Variants in COG7 observed in about 807,000 individuals in gnomAD.
The protein encoded by COG7 is conserved oligomeric Golgi complex subunit 7.
Under a neutral mutation model 91.5 loss-of-function variants are expected in COG7, and 49 were observed. That is an observed-to-expected ratio of 0.54 (90% confidence interval 0.43 to 0.68). COG7 has a LOEUF of 0.68. Ranked by LOEUF, COG7 falls within the 30% of genes least tolerant of loss-of-function variation. The pLI is 0.00. For synonymous variants in COG7, 365 were observed against 388.7 expected, an observed-to-expected ratio of 0.94 and a Z score of 0.72; for missense variants, 895 against 961.3, an observed-to-expected ratio of 0.93 and a Z score of 0.91.
intron 7 of COG7, among the ~76,000 whole-genome samples, chr16:23,422,139 G>A (rs1177803895): frequency 6.6e-6 from 1 of 151,918 alleles, no homozygotes; most frequent in East Asian, 1.9e-4. Context: ...GGAAGACCCT[G>A]TCTCTACAAA....
At chr16:23,452,431 G>C (rs1163732179) in intron 1 of COG7, among the ~76,000 whole-genome samples, 2 of 152,134 alleles carry the variant, frequency 1.3e-5, no homozygotes, top group Admixed American at 1.3e-4. Flanking sequence ...GAATTTGTGG[G>C]GCGCGGTGGC....
At chr16:23,443,334 C>A (rs1964131942) in intron 3 of COG7, among the ~76,000 whole-genome samples, 1 of 152,096 alleles carries the variant, frequency 6.6e-6, no homozygotes, top group Non-Finnish European at 1.5e-5. Flanking sequence ...TTGCATGAGG[C>A]CAGGAGTTCA....
Position 23,433,612 on chromosome 16 carries a change from C to T in COG7, c.743G>A (p.Arg248Gln), listed in dbSNP as rs376638075. 23 of 1,613,900 alleles carry T rather than the reference C, an allele frequency of 1.4e-5. No homozygotes were observed. The highest frequency in any genetic ancestry group is 5.3e-5 in the African/African-American group (4 of 74,878). Residue 248 changes from arginine (R) to glutamine (Q), a missense_variant, in exon 6 of 17, where the codon CGG (arginine) becomes CAG (glutamine). Arg to Gln is a conservative substitution (Grantham distance 43). Coordinates refer to ENST00000307149, the MANE Select transcript of COG7 (RefSeq NM_153603.4). ...GGCATCATAGAGTCCGGTAAGCTGC[C>T]GGTCCAGGGATAGGTCACTTTGACA... is the stretch of plus-strand genomic sequence containing the variant. ...ELCQSDLSLD[R>Q]QLTGLYDALL...
At chr16:23,442,099 C>T (rs778214188) in intron 4 of COG7, among the ~76,000 whole-genome samples, 1 of 151,924 alleles carries the variant, frequency 6.6e-6, no homozygotes, top group Non-Finnish European at 1.5e-5. Flanking sequence ...TTTGGGAGGC[C>T]GAGGCGAGGG....
chr16:23,440,241 T>C (rs914118383), intron 4 of COG7, among the ~76,000 whole-genome samples: 1 of 151,768 alleles, frequency 6.6e-6, no homozygotes, highest in African/African-American at 2.4e-5. Flanking sequence ...ATACAAAAAA[T>C]TAGCCAGGTG....
intron 8 of COG7, 151 bp downstream of exon 8, chr16:23,418,549 C>A: frequency 1.4e-6 from 1 of 693,110 alleles, no homozygotes; most frequent in Non-Finnish European, 2.6e-6. Context: ...AATATATGGT[C>A]TCATTTTACA....
chr16:23,442,394 A>T, intron 4 of COG7, 83 bp downstream of exon 4: 2 of 1,268,964 alleles, frequency 1.6e-6, no homozygotes, highest in Non-Finnish European at 2.3e-6. Flanking sequence ...AATCACCATT[A>T]AGACATTCTA....
Position 23,406,165 on chromosome 16 carries a change from C to A in COG7, c.1573G>T (p.Ala525Ser). The A allele has an allele frequency of 6.2e-7, 1 of 1,614,068 alleles. No homozygotes were observed. Among genetic ancestry groups the A allele is most frequent in the South Asian group, 1.1e-5 (1 of 91,080 alleles). The change falls in exon 12 of 17, where the codon GCC (alanine) becomes TCC (serine). Residue 525 changes from alanine (A) to serine (S), a missense_variant. Physicochemically the swap from Ala to Ser is moderately conservative, Grantham distance 99. Coordinates refer to ENST00000307149, the MANE Select transcript of COG7 (RefSeq NM_153603.4). ...TTATATTCTTGCCATGGGTTCTTGGCAGAGTTCTTCTTGTCTGTCAAGATG... is the reference window on the plus strand; with the variant it reads ...TTATATTCTTGCCATGGGTTCTTGGAAGAGTTCTTCTTGTCTGTCAAGATG... ...ESILTDKKNS[A>S]KNPWQEYNYL...
At chr16:23,413,723 C>CA (rs901596012) in intron 9 of COG7, 159 bp from the exon 10 acceptor site, 8 of 624,496 alleles carry the variant, frequency 1.3e-5, no homozygotes, top group Admixed American at 2.6e-5. Context: ...CCTCTGAACA[C>CA]AAAAAGTTCT....
At position 23,398,165 on chromosome 16, in the gene COG7, G is replaced by A. The variant is rs756844884; in HGVS notation, c.1804-36C>T. ...AACGAGAGGACACAATCAGTACCTAGCAGCCAGGCAGCTGTGAAGACGCCA... is the reference window on the plus strand; with the variant it reads ...AACGAGAGGACACAATCAGTACCTAACAGCCAGGCAGCTGTGAAGACGCCA... On this transcript the variant is annotated intron_variant, in intron 13 of 16. Coordinates refer to ENST00000307149, the MANE Select transcript of COG7 (RefSeq NM_153603.4). The A allele has an allele frequency of 2.6e-6, 4 of 1,550,992 alleles. No homozygotes were observed. The East Asian group carries it at 9.0e-5, about 35-fold the overall frequency.
At chr16:23,429,403 C>G (rs1330701778) in intron 6 of COG7, among the ~76,000 whole-genome samples, 4 of 151,820 alleles carry the variant, frequency 2.6e-5, no homozygotes, top group Admixed American at 6.6e-5. Flanking sequence ...ACCTACAGAA[C>G]AATATTCAAA....
At chr16:23,443,543 T>C (rs1488306144) in intron 3 of COG7, among the ~76,000 whole-genome samples, 1 of 150,854 alleles carries the variant, frequency 6.6e-6, no homozygotes, top group Non-Finnish European at 1.5e-5. Context: ...ATACAAAAAT[T>C]AGCCAGGCAT....
intron 5 of COG7, 50 bp from the exon 6 acceptor site, chr16:23,433,717 G>T: frequency 6.2e-7 from 1 of 1,610,516 alleles, no homozygotes; most frequent in African/African-American, 1.3e-5. Flanking sequence ...AACATAGGTT[G>T]CCTGTGAACA....
At position 23,445,082 on chromosome 16, in the gene COG7, A is replaced by G; in HGVS notation, c.401T>C (p.Leu134Ser). The change falls in exon 3 of 17, where the codon TTG becomes TCG. Residue 134 changes from leucine (L) to serine (S), a missense_variant. Transcript: ENST00000307149. ...SLQEADKWST[L>S]SADIEETFKT... is the part of the protein sequence containing the mutation. ...AAATGTCTCCTCAATATCGGCGCTC[A>G]ACGTGCTCCACTTATCTGCTTCCTG... 1.2e-6 allele frequency: 2 copies of G among 1,614,088 alleles called. No individual in the cohort carries two copies. Among genetic ancestry groups the G allele is most frequent in the Non-Finnish European group, 1.7e-6 (2 of 1,179,982 alleles).
intron 3 of COG7, among the ~76,000 whole-genome samples, chr16:23,443,801 T>C (rs1327655357): frequency 6.6e-6 from 1 of 152,140 alleles, no homozygotes; most frequent in East Asian, 1.9e-4. Flanking sequence ...TAAATATGTA[T>C]GTGCATATCT....
At chr16:23,445,012 A>C (rs1964158904) in intron 3 of COG7, 36 bp downstream of exon 3, 1 of 1,469,132 alleles carries the variant, frequency 6.8e-7, no homozygotes. Context: ...TCTTGCTTAA[A>C]TACCTTTCAT....
At chr16:23,396,801 T>C (rs992759902) in intron 14 of COG7, among the ~76,000 whole-genome samples, 6 of 152,186 alleles carry the variant, frequency 3.9e-5, no homozygotes, top group Admixed American at 3.9e-4. Context: ...GAAATGACTG[T>C]TGTTTTAGAC....
At chr16:23,431,364 A>G (rs954416239) in intron 6 of COG7, among the ~76,000 whole-genome samples, 1 of 152,200 alleles carries the variant, frequency 6.6e-6, no homozygotes, top group Admixed American at 6.5e-5. Flanking sequence ...GCAGAAACTC[A>G]TGTCTCCCAA....
chr16:23,434,888 G>A (rs1398359866), intron 4 of COG7, among the ~76,000 whole-genome samples, 170 bp from the exon 5 acceptor site: 2 of 152,106 alleles, frequency 1.3e-5, no homozygotes, highest in African/African-American at 4.8e-5. Flanking sequence ...TAAGCATGAC[G>A]TGAAAACCAG....
Sources: gnomAD v4.1 joint callset for allele counts (sites outside exome capture counted in the v4.1 genomes callset) on GRCh38, gnomAD v4.1.1 for gene constraint, MANE v1.5 for transcripts, NCBI Gene and HGNC (gene_info 2026-07-23, HGNC 2026-07-21) for gene names.